OXSR1: variants seen among roughly 807,000 people sequenced by gnomAD.
OXSR1 encodes the protein serine/threonine-protein kinase OSR1.
OXSR1 carries 24 observed loss-of-function variants against 79.8 expected under a neutral mutation model. The ratio of observed to expected loss-of-function variants is 0.30; its 90% CI spans 0.22 to 0.42. The LOEUF is 0.42. Among genes scored for constraint, OXSR1 ranks in the 10% least tolerant of loss-of-function variants. The pLI is 1.00. For synonymous variants in OXSR1, 226 were observed against 209.2 expected (o/e 1.08, Z -0.69); for missense variants, 430 against 618.4 (o/e 0.70, Z 3.23).
intron 3 of OXSR1, chr3:38,193,530 G>A: frequency 1.9e-6 from 1 of 536,814 alleles, no homozygotes; most frequent in South Asian, 1.7e-5. Flanking sequence ...GTCCTCTGAT[G>A]AATGGGAATA....
intron 4 of OXSR1, among the ~76,000 whole-genome samples, chr3:38,211,028 G>A (rs1165507673): frequency 6.6e-6 from 1 of 152,144 alleles, no homozygotes; most frequent in Admixed American, 6.5e-5. Flanking sequence ...AGGCCTGCTT[G>A]CCAAATAAAC....
chr3:38,204,324 C>G (rs890224522), intron 4 of OXSR1, among the ~76,000 whole-genome samples: 1 of 152,130 alleles, frequency 6.6e-6, no homozygotes. Context: ...GCTTGGTGCT[C>G]TACCCAACCG....
At chr3:38,172,923 C>T (rs986626561) in intron 1 of OXSR1, among the ~76,000 whole-genome samples, 2 of 152,190 alleles carry the variant, frequency 1.3e-5, no homozygotes, top group South Asian at 2.1e-4. Context: ...TTTTTTCATG[C>T]GACCACACTT....
intron 3 of OXSR1, among the ~76,000 whole-genome samples, chr3:38,191,315 C>G (rs1701982049): frequency 6.6e-6 from 1 of 152,060 alleles, no homozygotes; most frequent in African/African-American, 2.4e-5. Context: ...ATCCTTCCTA[C>G]TTGGCCTCCC....
At chr3:38,217,535 GTTTGTTTT>G (rs1050302928) in intron 5 of OXSR1, among the ~76,000 whole-genome samples, 5 of 152,000 alleles carry the variant, frequency 3.3e-5, no homozygotes, top group South Asian at 2.1e-4. Flanking sequence ...TTGTTTGTTT[GTTTGTTTT>G]TTTTGAGACA....
chr3:38,171,624 T>G (rs1212205579), intron 1 of OXSR1, among the ~76,000 whole-genome samples: 1 of 152,198 alleles, frequency 6.6e-6, no homozygotes, highest in Admixed American at 6.5e-5. Context: ...GAATCTCCTC[T>G]TAGGAACATA....
intron 10 of OXSR1, among the ~76,000 whole-genome samples, chr3:38,233,771 G>A (rs1702861165): frequency 6.6e-6 from 1 of 152,048 alleles, no homozygotes; most frequent in Non-Finnish European, 1.5e-5. Context: ...AATTAGCTGG[G>A]CATGGTGGCA....
chr3:38,204,705 C>T (rs1400966547), intron 4 of OXSR1, among the ~76,000 whole-genome samples: 1 of 151,620 alleles, frequency 6.6e-6, no homozygotes, highest in Non-Finnish European at 1.5e-5. Flanking sequence ...ACAAAGTCCT[C>T]TACTCTTCCC....
rs183375959 is a variant in OXSR1, at chr3:38,229,786, T to A, written c.885+51T>A. On this transcript the variant is annotated intron_variant, in intron 9 of 17. Transcript: ENST00000311806. ...GTGTGTTCATAGGATGCTCCTCAAT[T>A]ACTCAGATTATGTTCAGTGCTTAGA... The A allele has an allele frequency of 6.0e-6, 8 of 1,333,210 alleles. No homozygotes were observed. In the East Asian group the frequency reaches 1.4e-4, roughly 23 times the overall value. The allele number at this position is 1,333,210 out of a possible 1,614,324, so 82.6% of individuals were successfully genotyped here. A position where few individuals can be genotyped will look rare whatever the true frequency, so the allele number is the denominator to read the frequency against.
At chr3:38,164,996 T>A (rs1575294466), upstream of OXSR1, 1 of 152,244 alleles carries the variant, frequency 6.6e-6, no homozygotes, top group Non-Finnish European at 1.5e-5. Context: ...CTCCACACCC[T>A]GTAGAGCCTT....
chr3:38,165,730 C>T lies in OXSR1; in HGVS notation c.-147C>T. Reference sequence around the variant, plus strand: ...TCTGCCGCGCGGTGACCCCGCGCCCCGGCGCCGTCCGACCCGTGGCTGTTC... The same window carrying T: ...TCTGCCGCGCGGTGACCCCGCGCCCTGGCGCCGTCCGACCCGTGGCTGTTC... On this transcript the variant is annotated 5_prime_UTR_variant, in exon 1 of 18. Transcript: ENST00000311806. The T allele has an allele frequency of 1.5e-6, 1 of 671,348 alleles. No individual in the cohort carries two copies. The highest frequency in any genetic ancestry group is 3.0e-5 in the East Asian group (1 of 33,054). The allele number at this position is 671,348 out of a possible 1,614,324, so 41.6% of individuals were successfully genotyped here.
intron 1 of OXSR1, among the ~76,000 whole-genome samples, chr3:38,182,282 G>T (rs765122255): frequency 7.9e-5 from 12 of 152,172 alleles, no homozygotes; most frequent in Non-Finnish European, 1.3e-4. Flanking sequence ...TGACATTGCC[G>T]CACGTGTGGG....
chr3:38,183,983 T>TA (rs1386077147), intron 2 of OXSR1, among the ~76,000 whole-genome samples: 2 of 152,228 alleles, frequency 1.3e-5, no homozygotes, highest in African/African-American at 4.8e-5. Context: ...GCTCAAATGA[T>TA]ACAGTATTTG....
At chr3:38,171,262 C>T (rs1321767651) in intron 1 of OXSR1, among the ~76,000 whole-genome samples, 1 of 152,170 alleles carries the variant, frequency 6.6e-6, no homozygotes, top group Non-Finnish European at 1.5e-5. Flanking sequence ...CTTATTCTAA[C>T]TTTGCTTCCA....
At chr3:38,232,080 C>T (rs946128489) in intron 10 of OXSR1, among the ~76,000 whole-genome samples, 1 of 152,064 alleles carries the variant, frequency 6.6e-6, no homozygotes, top group Non-Finnish European at 1.5e-5. Context: ...GTACTCCAGC[C>T]TGGGCGACAG....
intron 3 of OXSR1, among the ~76,000 whole-genome samples, chr3:38,194,336 G>A (rs1369858428): frequency 6.6e-6 from 1 of 152,126 alleles, no homozygotes; most frequent in African/African-American, 2.4e-5. Context: ...GATTGCTTTA[G>A]GCCAGGAGTT....
intron 3 of OXSR1, among the ~76,000 whole-genome samples, chr3:38,195,938 T>G (rs1352304340): frequency 6.6e-6 from 1 of 152,210 alleles, no homozygotes; most frequent in African/African-American, 2.4e-5. Flanking sequence ...ATTTATTTAC[T>G]TTTATTCTGA....
chr3:38,253,804 G>T lies in OXSR1; in HGVS notation c.*913G>T. 5.2e-6 allele frequency: 1 copy of T among 191,212 alleles called. No individual in the cohort carries two copies. The highest frequency in any genetic ancestry group is 1.9e-4 in the South Asian group (1 of 5,164). The allele number at this position is 191,212 out of a possible 1,614,324, so 11.8% of individuals were successfully genotyped here. ...CTCCAAGTCGTGAGGAAATGGGTAT[G>T]CAAGGCTGAGATTTCTACAGCAATA... On this transcript the variant is annotated 3_prime_UTR_variant, in exon 18 of 18. Transcript: ENST00000311806.
intron 17 of OXSR1, 137 bp from the exon 18 acceptor site, chr3:38,252,680 C>T: frequency 1.5e-6 from 1 of 687,146 alleles, no homozygotes; most frequent in Non-Finnish European, 2.6e-6. Flanking sequence ...GGAATAAACA[C>T]CTTCGTCAGT....
Sources: allele counts gnomAD v4.1 joint callset (sites outside exome capture counted in the v4.1 genomes callset), GRCh38; gene constraint gnomAD v4.1.1; transcripts MANE v1.5; gene names NCBI Gene and HGNC (gene_info 2026-07-23, HGNC 2026-07-21).